Variants in MECR observed in about 807,000 individuals in gnomAD.
The protein encoded by MECR is mitochondrial trans-2-enoyl-CoA reductase.
Under a neutral mutation model 49.1 loss-of-function variants are expected in MECR, and 37 were observed. That is an observed-to-expected ratio of 0.75 (90% CI 0.58 to 0.99). MECR has a LOEUF of 0.99. MECR is among the 50% of genes least tolerant of loss of function. The pLI, the probability that MECR is intolerant of heterozygous loss-of-function variation, is 0.00. For synonymous variants in MECR, 198 were observed against 191.1 expected (o/e 1.04, Z -0.30); for missense variants, 470 against 479.6 (o/e 0.98, Z 0.19).
the MECR span, chr1:29,172,868 A>C: frequency 6.6e-6 from 1 of 152,206 alleles, no homozygotes. Context: ...GAGACCAAAA[A>C]AAAGGTAGAC....
chr1:29,182,064 C>G, the MECR span: 1 of 261,888 alleles, frequency 3.8e-6, no homozygotes, highest in Admixed American at 5.7e-5. Flanking sequence ...GGCGCTGCGG[C>G]ACGTCCTCGC....
intron 3 of MECR, among the ~76,000 whole-genome samples, chr1:29,207,182 C>T (rs1278641145): frequency 1.3e-5 from 2 of 151,970 alleles, no homozygotes; most frequent in Non-Finnish European, 2.9e-5. Flanking sequence ...AGTGCAATGG[C>T]GCGATCTTGG....
chr1:29,172,096 AAAT>A, the MECR span: 1 of 152,140 alleles, frequency 6.6e-6, no homozygotes, highest in Non-Finnish European at 1.5e-5. Context: ...TGGGGGAAAA[AAAT>A]AATACACTTT....
rs756706914 is a variant in MECR, at chr1:29,230,805, G to T, written c.102C>A (p.Tyr34Ter). The T allele has an allele frequency of 1.4e-5, 22 of 1,607,720 alleles. No homozygotes were observed. In the South Asian group the frequency reaches 2.4e-4, roughly 18 times the overall value. Residue 34 changes from tyrosine (Y) to a stop codon, truncating the protein, a stop_gained, in exon 1 of 10, where the codon TAC (tyrosine) becomes TAA (stop). Transcript: ENST00000263702. LOFTEE classifies it high-confidence loss of function. ...SGCHGPAASSYSASAEPARVR... is the reference protein window; with the variant it reads ...SGCHGPAASS ...CCCGGGCAGGCTCGGCGGATGCGGA[G>T]TAGGAGGAGGCGGCAGGTCCGTGAC...
At position 29,196,210 on chromosome 1, in the gene MECR, G is replaced by A. The variant is rs773270657; in HGVS notation, c.879C>T (p.Val293=). Residue 293 remains valine, a synonymous_variant, in exon 8 of 10, where the codon GTC becomes GTT. Transcript: ENST00000263702. ...VTYGGMAKQP[V]VASVSLLIFK... is the part of the protein sequence containing the mutation. ...GCACCCAGCTTACCACAGAGGCTAC[G>A]ACGGGCTGCTTGGCCATCCCCCCAT... 54 of 1,614,048 alleles carry A rather than the reference G, an allele frequency of 3.3e-5. No individual in the cohort carries two copies. Among genetic ancestry groups the A allele is most frequent in the Middle Eastern group, 3.3e-4 (2 of 6,084 alleles).
intron 2 of MECR, 131 bp downstream of exon 2, chr1:29,216,450 ACAGCCTG>A (rs1278092691): frequency 3.2e-5 from 30 of 932,376 alleles, no homozygotes; most frequent in Non-Finnish European, 5.0e-5. Flanking sequence ...CAGGGCTGAC[ACAGCCTG>A]CAGACGGCTC....
chr1:29,170,361 C>T, the MECR span: 1 of 152,198 alleles, frequency 6.6e-6, no homozygotes, highest in Admixed American at 6.5e-5. Flanking sequence ...AAGGTTTACA[C>T]TCTGCAGACA....
chr1:29,174,278 G>A, the MECR span, among the ~76,000 whole-genome samples: 13 of 152,186 alleles, frequency 8.5e-5, no homozygotes, highest in African/African-American at 3.1e-4. Context: ...ACCGAGTAAT[G>A]GAATAGCTAG....
intron 1 of MECR, among the ~76,000 whole-genome samples, chr1:29,225,897 C>T (rs755346777): frequency 3.9e-5 from 6 of 152,010 alleles, no homozygotes; most frequent in South Asian, 2.1e-4. Context: ...GGCCGGGTGC[C>T]GTGGCTCATG....
At chr1:29,230,410 C>A in intron 1 of MECR, 1 of 309,306 alleles carries the variant, frequency 3.2e-6, no homozygotes, top group Non-Finnish European at 6.0e-6. Context: ...TTTTCATCTG[C>A]AAAATGGGGA....
the MECR span, among the ~76,000 whole-genome samples, chr1:29,185,449 C>T: frequency 1.3e-5 from 2 of 151,660 alleles, no homozygotes; most frequent in South Asian, 2.1e-4. Context: ...CAGAGTTTAA[C>T]TCGTTGCCCA....
At chr1:29,212,015 G>A (rs1360052364) in intron 3 of MECR, among the ~76,000 whole-genome samples, 1 of 152,188 alleles carries the variant, frequency 6.6e-6, no homozygotes, top group Non-Finnish European at 1.5e-5. Flanking sequence ...GTGTCCTCAA[G>A]CCCAGCATGC....
chr1:29,181,981 G>C, the MECR span: 1 of 371,720 alleles, frequency 2.7e-6, no homozygotes. Context: ...TTCGCTTCCC[G>C]CTCGGCCAGG....
chr1:29,184,434 C>T, the MECR span, among the ~76,000 whole-genome samples: 7 of 152,282 alleles, frequency 4.6e-5, no homozygotes, highest in Admixed American at 1.3e-4. Flanking sequence ...TGAGCCACCG[C>T]GCCCGGCAAG....
At chr1:29,177,138 T>TATAAAAA in the MECR span, among the ~76,000 whole-genome samples, 3 of 152,204 alleles carry the variant, frequency 2.0e-5, no homozygotes, top group Non-Finnish European at 2.9e-5. Flanking sequence ...AATGGCTTAT[T>TATAAAAA]ATAAAAAATA....
chr1:29,191,204 G>C (rs78584114), downstream of MECR, among the ~76,000 whole-genome samples: 3,341 of 152,222 alleles, frequency 0.022, 53 homozygotes, highest in Non-Finnish European at 0.034. Context: ...AAACATTCCT[G>C]TATGCCTGCT....
chr1:29,188,134 C>T (rs534423360), downstream of MECR, among the ~76,000 whole-genome samples: 9 of 150,512 alleles, frequency 6.0e-5, no homozygotes, highest in South Asian at 8.5e-4. Context: ...AGGCTAGCCT[C>T]GAACTCCTGG....
chr1:29,220,261 C>T (rs1328329042), intron 1 of MECR, among the ~76,000 whole-genome samples: 1 of 150,890 alleles, frequency 6.6e-6, no homozygotes, highest in Non-Finnish European at 1.5e-5. Context: ...ATTAGCCAGG[C>T]ATGGTGGTGT....
rs377638716 is a variant in MECR at position 29,194,202 on chromosome 1, A to C, written c.965-23T>G. On this transcript the variant is annotated intron_variant, in intron 9 of 9. Transcript: ENST00000263702. ...GGTCTGCGGGAGGTTGGAGGAAATC[A>C]GACAAGAGAACAGCAGCTGGGGCTT... 1.9e-6 allele frequency: 3 copies of C among 1,582,920 alleles called. No individual in the cohort carries two copies. The African/African-American group carries it at 4.0e-5, about 21-fold the overall frequency.
Sources: gnomAD v4.1 joint callset for allele counts (sites outside exome capture counted in the v4.1 genomes callset) on GRCh38, gnomAD v4.1.1 for gene constraint, MANE v1.5 for transcripts, NCBI Gene and HGNC (gene_info 2026-07-23, HGNC 2026-07-21) for gene names.